Variants in NDUFB5 observed in about 807,000 individuals in gnomAD.
NDUFB5 encodes the protein NADH:ubiquinone oxidoreductase subunit B5.
In NDUFB5, 19 loss-of-function variants were observed where a neutral mutation model predicts 19.4. That is an observed-to-expected ratio of 0.98 (90% CI 0.68 to 1.43). NDUFB5 has a LOEUF of 1.43. Among genes scored for constraint, NDUFB5 ranks in the 40% most tolerant of loss-of-function variants. NDUFB5 has a pLI of 0.00. For synonymous variants in NDUFB5, 80 were observed against 82.6 expected, an observed-to-expected ratio of 0.97 and a Z score of 0.17; for missense variants, 233 against 236.5, an observed-to-expected ratio of 0.99 and a Z score of 0.10.
chr3:179,625,399 G>C lies in NDUFB5; in HGVS notation c.*1359G>C, dbSNP rs934045146. On this transcript the variant is annotated 3_prime_UTR_variant, in exon 6 of 6. Coordinates refer to ENST00000259037, the MANE Select transcript of NDUFB5 (RefSeq NM_002492.4). Reference sequence around the variant, plus strand: ...CCTAAACACACAAGTGAATTGAAAAGCCACAGGCCATTCATTCAACAAATA... The same window carrying C: ...CCTAAACACACAAGTGAATTGAAAACCCACAGGCCATTCATTCAACAAATA... The C allele has an allele frequency of 3.3e-5, 5 of 152,106 alleles. No homozygotes were observed. The highest frequency in any genetic ancestry group is 5.9e-5 in the Non-Finnish European group (4 of 68,020). The allele number at this position is 152,106 out of a possible 1,614,324, so 9.4% of individuals were successfully genotyped here. A position where few individuals can be genotyped will look rare whatever the true frequency, so the allele number is the denominator to read the frequency against.
At position 179,623,936 on chromosome 3, in the gene NDUFB5, G is replaced by C. The variant is rs1269207844; in HGVS notation, c.466G>C (p.Val156Leu). 1 of 1,614,040 alleles carries C rather than the reference G, an allele frequency of 6.2e-7. No homozygotes were observed. Among genetic ancestry groups the C allele is most frequent in the South Asian group, 1.1e-5 (1 of 91,070 alleles). ...TTGTTACAGGGTAAAGGAGCTGGAA[G>C]TGCGAAAATTGATGCATGTGAGAGG... ...KAELRVKELE[V>L]RKLMHVRGDG... The change falls in exon 6 of 6, where the codon GTG (valine) becomes CTG (leucine). Residue 156 changes from valine (V) to leucine (L), a missense_variant. Physicochemically the swap from Val to Leu is conservative, Grantham distance 32. Coordinates refer to ENST00000259037, the MANE Select transcript of NDUFB5 (RefSeq NM_002492.4).
chr3:179,613,761 A>G (rs1719307390), intron 1 of NDUFB5, among the ~76,000 whole-genome samples: 1 of 152,212 alleles, frequency 6.6e-6, no homozygotes, highest in African/African-American at 2.4e-5. Flanking sequence ...TGCAGATGTT[A>G]CCAAAATTAA....
At chr3:179,612,075 G>A (rs1021235610) in intron 1 of NDUFB5, among the ~76,000 whole-genome samples, 1 of 151,820 alleles carries the variant, frequency 6.6e-6, no homozygotes, top group African/African-American at 2.4e-5. Context: ...TCAGCCTCCC[G>A]AGTAGCTGGG....
chr3:179,614,850 G>A (rs920975244), intron 1 of NDUFB5, 121 bp from the exon 2 acceptor site: 2 of 631,818 alleles, frequency 3.2e-6, no homozygotes, highest in African/African-American at 1.9e-5. Flanking sequence ...TGAAAACCCA[G>A]TCATCCTGCT....
intron 5 of NDUFB5, among the ~76,000 whole-genome samples, chr3:179,620,257 C>T (rs1383786755): frequency 1.3e-5 from 2 of 152,070 alleles, no homozygotes; most frequent in Non-Finnish European, 2.9e-5. Flanking sequence ...GTGTTTTAGA[C>T]ATGAAGTCCT....
intron 5 of NDUFB5, among the ~76,000 whole-genome samples, chr3:179,619,760 T>C (rs1042246501): frequency 1.6e-4 from 24 of 152,356 alleles, no homozygotes; most frequent in Non-Finnish European, 2.6e-4. Context: ...TCTAGATCCC[T>C]GAGGAATCGC....
In NDUFB5 at chr3:179,614,964, T is replaced by C. The variant is rs1719336864; in HGVS notation, c.125-7T>C. On this transcript the variant is annotated splice_polypyrimidine_tract_variant and splice_region_variant and intron_variant, in intron 1 of 5. Transcript: ENST00000259037. ...TTGTATAAAACAGGGTAATTCAATA[T>C]TCCCAGCTCCTGTTCGACACAGTGG... 1 of 1,595,476 alleles carries C rather than the reference T, an allele frequency of 6.3e-7. No individual in the cohort carries two copies. Among genetic ancestry groups the C allele is most frequent in the Non-Finnish European group, 8.6e-7 (1 of 1,165,460 alleles).
intron 5 of NDUFB5, among the ~76,000 whole-genome samples, chr3:179,621,946 A>C (rs1719549084): frequency 6.6e-6 from 1 of 151,928 alleles, no homozygotes; most frequent in Admixed American, 6.6e-5. Context: ...TTCCAAAATT[A>C]TTTTTTTTAA....
intron 1 of NDUFB5, among the ~76,000 whole-genome samples, chr3:179,610,418 T>C (rs774836431): frequency 5.3e-5 from 8 of 152,064 alleles, no homozygotes; most frequent in Admixed American, 1.3e-4. Context: ...TTGTTTGGTT[T>C]GTTGTTGTTG....
intron 1 of NDUFB5, among the ~76,000 whole-genome samples, chr3:179,611,893 G>GT (rs1719251861): frequency 6.6e-6 from 1 of 152,112 alleles, no homozygotes; most frequent in African/African-American, 2.4e-5. Context: ...TTAGAGAGCA[G>GT]TGAAAGATGC....
At chr3:179,605,632 T>A (rs1253043231) in intron 1 of NDUFB5, among the ~76,000 whole-genome samples, 1 of 151,322 alleles carries the variant, frequency 6.6e-6, no homozygotes, top group Admixed American at 6.6e-5. Flanking sequence ...TTTAAATTTC[T>A]TTTTTAAAAA....
Position 179,604,837 on chromosome 3 carries a change from C to T in NDUFB5, c.22C>T (p.Arg8Trp), listed in dbSNP as rs376623093. ...AGCCATGGCGGCCATGAGTTTGTTG[C>T]GGCGGGTTTCGGTTACTGCGGTGGC... is the stretch of plus-strand genomic sequence containing the variant. MAAMSLLRRVSVTAVAAL... is the reference protein window; with the variant it reads MAAMSLLWRVSVTAVAAL... Residue 8 changes from arginine (R) to tryptophan (W), a missense_variant, in exon 1 of 6, where the codon CGG becomes TGG. Transcript: ENST00000259037. 116 of 1,606,046 alleles carry T rather than the reference C, an allele frequency of 7.2e-5. 1 individual carries two copies. The African/African-American group carries it at 1.0e-3, about 14-fold the overall frequency.
Position 179,624,067 on chromosome 3 carries a change from T to C in NDUFB5, c.*27T>C. ...CATTTTTTTCTCCAAATACAAAGTA[T>C]ATTCTCTTTATTGGAAAATAAATTA... On this transcript the variant is annotated 3_prime_UTR_variant, in exon 6 of 6. Coordinates refer to ENST00000259037, the MANE Select transcript of NDUFB5 (RefSeq NM_002492.4). The C allele has an allele frequency of 6.3e-7, 1 of 1,578,756 alleles. No individual in the cohort carries two copies. Among genetic ancestry groups the C allele is most frequent in the Non-Finnish European group, 8.6e-7 (1 of 1,157,356 alleles).
chr3:179,623,622 T>C (rs1368601970), intron 5 of NDUFB5, among the ~76,000 whole-genome samples: 3 of 152,112 alleles, frequency 2.0e-5, no homozygotes, highest in African/African-American at 7.2e-5. Context: ...TGCAGTGAGC[T>C]GAGACTGCGC....
chr3:179,626,175 T>C lies in NDUFB5; in HGVS notation c.*2135T>C, dbSNP rs1168313356. ...GTGGTATTGGTTTACATTTCCCTAA[T>C]TATGGTTGAGCATTTTTTCACATAT... On this transcript the variant is annotated 3_prime_UTR_variant, in exon 6 of 6. Transcript: ENST00000259037. The C allele has an allele frequency of 6.6e-6, 1 of 152,230 alleles. No homozygotes were observed. Among genetic ancestry groups the C allele is most frequent in the African/African-American group, 2.4e-5 (1 of 41,454 alleles). 9.4% of individuals were successfully genotyped at this position (152,230 alleles called of 1,614,324 possible).
In NDUFB5 at chr3:179,624,177, G is replaced by A. The variant is rs1719609403; in HGVS notation, c.*137G>A. On this transcript the variant is annotated 3_prime_UTR_variant, in exon 6 of 6. Transcript: ENST00000259037. ...TCTCTCAGTGTTGGTTCAGATTGAG[G>A]CTTTTGTTTGAGGAGTTTGGCTTCC... 2.6e-6 allele frequency: 2 copies of A among 774,754 alleles called. No homozygotes were observed. Among genetic ancestry groups the A allele is most frequent in the East Asian group, 3.2e-5 (1 of 31,052 alleles). 48.0% of individuals were successfully genotyped at this position (774,754 alleles called of 1,614,324 possible). A position where few individuals can be genotyped will look rare whatever the true frequency, so the allele number is the denominator to read the frequency against.
In NDUFB5 at chr3:179,625,337, TC is replaced by T. The variant is rs1254394339; in HGVS notation, c.*1299del. 6.6e-6 allele frequency: 1 copy of T among 152,196 alleles called. No homozygotes were observed. The highest frequency in any genetic ancestry group is 1.5e-5 in the Non-Finnish European group (1 of 68,042). 9.4% of individuals were successfully genotyped at this position (152,196 alleles called of 1,614,324 possible). A position where few individuals can be genotyped will look rare whatever the true frequency, so the allele number is the denominator to read the frequency against. ...TTCCTAAGATTCAGGCCAGTGGGTC[TC>T]CACTTAAGGCCAAATGGAGAAATAA... On this transcript the variant is annotated 3_prime_UTR_variant, in exon 6 of 6. Coordinates refer to ENST00000259037, the MANE Select transcript of NDUFB5 (RefSeq NM_002492.4).
intron 2 of NDUFB5, 63 bp downstream of exon 2, chr3:179,615,122 C>T (rs987499822): frequency 1.2e-6 from 1 of 842,736 alleles, no homozygotes; most frequent in Non-Finnish European, 1.9e-6. Flanking sequence ...ATTTTTGCCT[C>T]TTTAGAAAAC....
At chr3:179,609,386 G>A (rs1476907775) in intron 1 of NDUFB5, among the ~76,000 whole-genome samples, 2 of 152,308 alleles carry the variant, frequency 1.3e-5, no homozygotes, top group East Asian at 3.9e-4. Flanking sequence ...GGGCAGCACA[G>A]CAGAGAAGGG....
Sources: gnomAD v4.1 joint callset for allele counts (sites outside exome capture counted in the v4.1 genomes callset) on GRCh38, gnomAD v4.1.1 for gene constraint, MANE v1.5 for transcripts, NCBI Gene and HGNC (gene_info 2026-07-23, HGNC 2026-07-21) for gene names.